ZNF766: variants seen among roughly 807,000 people sequenced by gnomAD.
The protein encoded by ZNF766 is zinc finger protein 766.
A neutral mutation model predicts 13.2 loss-of-function variants in ZNF766; 13 were observed. The observed-to-expected ratio is 0.98, with a 90% CI of 0.64 to 1.56. The LOEUF is 1.56. ZNF766 is among the 40% of genes most tolerant of loss of function. The pLI, the probability that ZNF766 is intolerant of heterozygous loss-of-function variation, is 0.00. For synonymous variants in ZNF766, 178 were observed against 187.6 expected, an observed-to-expected ratio of 0.95 and a Z score of 0.42; for missense variants, 521 against 552.2, an observed-to-expected ratio of 0.94 and a Z score of 0.57.
chr19:52,274,777 A>T (rs1981119108), intron 1 of ZNF766: 1 of 152,176 alleles, frequency 6.6e-6, no homozygotes, highest in South Asian at 2.1e-4. Flanking sequence ...GTGAGCCAAG[A>T]TCACGCCACT....
intron 1 of ZNF766, among the ~76,000 whole-genome samples, chr19:52,272,812 G>T (rs1192045907): frequency 6.6e-6 from 1 of 151,958 alleles, no homozygotes; most frequent in African/African-American, 2.4e-5. Context: ...CTAGAAACCT[G>T]TGTTCAGTTG....
intron 3 of ZNF766, among the ~76,000 whole-genome samples, chr19:52,289,464 G>T (rs569780289): frequency 6.6e-6 from 1 of 152,164 alleles, no homozygotes. Flanking sequence ...GCTCATAAGT[G>T]TCTTATTTTC....
At position 52,291,122 on chromosome 19, in the gene ZNF766, G is replaced by A; in HGVS notation, c.1331G>A (p.Cys444Tyr). 2 of 1,613,940 alleles carry A rather than the reference G, an allele frequency of 1.2e-6. No homozygotes were observed. Among genetic ancestry groups the A allele is most frequent in the Non-Finnish European group, 1.7e-6 (2 of 1,179,860 alleles). ...GAGAAACCTTACAAATGCCATGTGT[G>A]TGGTAAGGTCTTTAGGCACAGTTCA... ...TGEKPYKCHV[C>Y]GKVFRHSSWF... The change falls in exon 4 of 4, where the codon TGT (cysteine) becomes TAT (tyrosine). Residue 444 changes from cysteine (C) to tyrosine (Y), a missense_variant. Coordinates refer to ENST00000439461, the MANE Select transcript of ZNF766 (RefSeq NM_001010851.3).
rs901771214 is a variant in ZNF766, at chr19:52,277,055, G to A, written c.19-5056G>A. On this transcript the variant is annotated intron_variant, in intron 1 of 3. Transcript: ENST00000439461. ...CTGATGCAGTGGGCAGCAGAGGACCGTATTTCCACAGGGTGAGGTCTTCCC... is the reference window on the plus strand; with the variant it reads ...CTGATGCAGTGGGCAGCAGAGGACCATATTTCCACAGGGTGAGGTCTTCCC... 19 of 962,028 alleles carry A rather than the reference G, an allele frequency of 2.0e-5. No homozygotes were observed. In the African/African-American group the frequency reaches 2.1e-4, roughly 11 times the overall value. 59.6% of individuals were successfully genotyped at this position (962,028 alleles called of 1,614,324 possible). A position where few individuals can be genotyped will look rare whatever the true frequency, so the allele number is the denominator to read the frequency against.
intron 1 of ZNF766, among the ~76,000 whole-genome samples, chr19:52,277,707 C>G (rs570813933): frequency 6.6e-6 from 1 of 152,208 alleles, no homozygotes; most frequent in South Asian, 2.1e-4. Context: ...GATTCCATCT[C>G]TTGTGACCCA....
chr19:52,274,435 T>C (rs142024526), intron 1 of ZNF766: 1,564 of 152,594 alleles, frequency 0.01, 14 homozygotes, highest in Non-Finnish European at 0.014. Flanking sequence ...GTGGTGATGC[T>C]GGCGGAAACA....
At position 52,291,350 on chromosome 19, in the gene ZNF766, C is replaced by A; in HGVS notation, c.*152C>A. 1.3e-6 allele frequency: 1 copy of A among 768,482 alleles called. No individual in the cohort carries two copies. The highest frequency in any genetic ancestry group is 2.0e-6 in the Non-Finnish European group (1 of 493,836). The allele number at this position is 768,482 out of a possible 1,614,324, so 47.6% of individuals were successfully genotyped here. On this transcript the variant is annotated 3_prime_UTR_variant, in exon 4 of 4. Transcript: ENST00000439461. ...GAAACATTCATCTTTGGTGAAACCA[C>A]ACAAATGGATTGTGTGTGCCAAGGC... is the stretch of plus-strand genomic sequence containing the variant.
Position 52,291,137 on chromosome 19 carries a change from G to A in ZNF766, c.1346G>A (p.Arg449Lys), listed in dbSNP as rs1982123191. The A allele has an allele frequency of 3.1e-6, 5 of 1,612,832 alleles. No individual in the cohort carries two copies. Among genetic ancestry groups the A allele is most frequent in the Non-Finnish European group, 4.2e-6 (5 of 1,179,260 alleles). ...TGCCATGTGTGTGGTAAGGTCTTTAGGCACAGTTCATGGTTTGTACAGCAT... is the reference window on the plus strand; with the variant it reads ...TGCCATGTGTGTGGTAAGGTCTTTAAGCACAGTTCATGGTTTGTACAGCAT... ...YKCHVCGKVF[R>K]HSSWFVQHQR... Residue 449 changes from arginine (R) to lysine (K), a missense_variant, in exon 4 of 4, where the codon AGG (arginine) becomes AAG (lysine). Transcript: ENST00000439461.
intron 1 of ZNF766, among the ~76,000 whole-genome samples, chr19:52,279,354 T>A (rs563316073): frequency 6.6e-6 from 1 of 152,328 alleles, no homozygotes; most frequent in South Asian, 2.1e-4. Context: ...CTTGGCTATT[T>A]AGGCTCTTTT....
chr19:52,281,597 A>G (rs1335839569), intron 1 of ZNF766, among the ~76,000 whole-genome samples: 2 of 152,222 alleles, frequency 1.3e-5, no homozygotes, highest in East Asian at 1.9e-4. Context: ...AGGAGGATAC[A>G]TGTGTATGCA....
At chr19:52,285,504 A>G (rs1981770328) in intron 3 of ZNF766, among the ~76,000 whole-genome samples, 1 of 152,204 alleles carries the variant, frequency 6.6e-6, no homozygotes, top group Non-Finnish European at 1.5e-5. Flanking sequence ...AGAAACACTC[A>G]GGTTTACCGG....
In ZNF766 at chr19:52,293,237, G is replaced by A. The variant is rs1288401633; in HGVS notation, c.*2039G>A. 6.9e-6 allele frequency: 1 copy of A among 145,396 alleles called. No individual in the cohort carries two copies. The highest frequency in any genetic ancestry group is 1.5e-5 in the Non-Finnish European group (1 of 67,318). The allele number at this position is 145,396 out of a possible 1,614,324, so 9.0% of individuals were successfully genotyped here. A position where few individuals can be genotyped will look rare whatever the true frequency, so the allele number is the denominator to read the frequency against. On this transcript the variant is annotated 3_prime_UTR_variant, in exon 4 of 4. Transcript: ENST00000439461. ...CACTCAGGCTGAAGTGCAATGGCACGATCTTGGCTCACTGCATCCTCTGCC... is the reference window on the plus strand; with the variant it reads ...CACTCAGGCTGAAGTGCAATGGCACAATCTTGGCTCACTGCATCCTCTGCC...
At chr19:52,289,049 G>T (rs1026754654) in intron 3 of ZNF766, among the ~76,000 whole-genome samples, 3 of 149,888 alleles carry the variant, frequency 2.0e-5, no homozygotes, top group African/African-American at 7.4e-5. Context: ...GTAGAGATAG[G>T]GTTTCACCAT....
In ZNF766 at chr19:52,291,379, C is replaced by T. The variant is rs147727634; in HGVS notation, c.*181C>T. The T allele has an allele frequency of 4.0e-3, 2,451 of 611,892 alleles. 16 individuals carry two copies. The highest frequency in any genetic ancestry group is 0.01 in the South Asian group (421 of 41,192). The allele number at this position is 611,892 out of a possible 1,614,324, so 37.9% of individuals were successfully genotyped here. On this transcript the variant is annotated 3_prime_UTR_variant, in exon 4 of 4. Transcript: ENST00000439461. The stretch of plus-strand genomic sequence containing the variant: ...AATGGATTGTGTGTGCCAAGGCCAA[C>T]AAGTCAAAATATGTTGAACCTAATG...
At position 52,291,666 on chromosome 19, in the gene ZNF766, G is replaced by A. The variant is rs1278178327; in HGVS notation, c.*468G>A. 1 of 160,434 alleles carries A rather than the reference G, an allele frequency of 6.2e-6. No individual in the cohort carries two copies. The highest frequency in any genetic ancestry group is 2.4e-5 in the African/African-American group (1 of 41,582). The allele number at this position is 160,434 out of a possible 1,614,324, so 9.9% of individuals were successfully genotyped here. A position where few individuals can be genotyped will look rare whatever the true frequency, so the allele number is the denominator to read the frequency against. Reference sequence around the variant, plus strand: ...CCCAGCTACTCGGGAGGCTGAGGCAGGAGAATTGCTTGAATCCAGGAGGCA... The same window carrying A: ...CCCAGCTACTCGGGAGGCTGAGGCAAGAGAATTGCTTGAATCCAGGAGGCA... On this transcript the variant is annotated 3_prime_UTR_variant, in exon 4 of 4. Transcript: ENST00000439461.
At chr19:52,288,680 C>T (rs1265848632) in intron 3 of ZNF766, among the ~76,000 whole-genome samples, 2 of 150,304 alleles carry the variant, frequency 1.3e-5, no homozygotes, top group African/African-American at 4.9e-5. Flanking sequence ...AGGTGTGAGC[C>T]ACCACACCCA....
In ZNF766 at chr19:52,283,342, G is replaced by A; in HGVS notation, c.203G>A (p.Trp68Ter). ...ISMMKQRTEPWTVENEMKVAK... is the reference protein window; with the variant it reads ...ISMMKQRTEP ...ATGATGAAGCAAAGGACAGAGCCCT[G>A]GACTGTGGAGAATGAAATGAAAGTA... The change falls in exon 3 of 4, where the codon TGG (tryptophan) becomes TAG (stop). Residue 68 changes from tryptophan to a stop codon, truncating the protein, a stop_gained. Coordinates refer to ENST00000439461, the MANE Select transcript of ZNF766 (RefSeq NM_001010851.3). LOFTEE classifies it high-confidence loss of function. 1 of 1,613,876 alleles carries A rather than the reference G, an allele frequency of 6.2e-7. No homozygotes were observed. Among genetic ancestry groups the A allele is most frequent in the South Asian group, 1.1e-5 (1 of 91,050 alleles).
rs1355109467 is a variant in ZNF766, at chr19:52,283,359, A to G, written c.220A>G (p.Met74Val). 1.2e-6 allele frequency: 2 copies of G among 1,613,064 alleles called. No homozygotes were observed. Among genetic ancestry groups the G allele is most frequent in the Non-Finnish European group, 1.7e-6 (2 of 1,179,374 alleles). ...RTEPWTVENE[M>V]KVAKNPDRWE... ...AGAGCCCTGGACTGTGGAGAATGAA[A>G]TGAAAGTAGCAAAAAATCCAGATAG... The change falls in exon 3 of 4, where the codon ATG (methionine) becomes GTG (valine). Residue 74 changes from methionine to valine, a missense_variant. Transcript: ENST00000439461.
In ZNF766 at chr19:52,293,768, T is replaced by G; in HGVS notation, c.*2570T>G. The G allele has an allele frequency of 6.6e-6, 1 of 151,850 alleles. No individual in the cohort carries two copies. Among genetic ancestry groups the G allele is most frequent in the Non-Finnish European group, 1.5e-5 (1 of 68,022 alleles). 9.4% of individuals were successfully genotyped at this position (151,850 alleles called of 1,614,324 possible). ...AGCCTCCCGAGTAGCTGGGATTACA[T>G]GCATGTGCCACCATGCCCAGCTAAT... is the stretch of plus-strand genomic sequence containing the variant. On this transcript the variant is annotated 3_prime_UTR_variant, in exon 4 of 4. Coordinates refer to ENST00000439461, the MANE Select transcript of ZNF766 (RefSeq NM_001010851.3).
Sources: gnomAD v4.1 joint callset for allele counts (sites outside exome capture counted in the v4.1 genomes callset) on GRCh38, gnomAD v4.1.1 for gene constraint, MANE v1.5 for transcripts, NCBI Gene and HGNC (gene_info 2026-07-23, HGNC 2026-07-21) for gene names.